RUNX3: variants seen among roughly 807,000 people sequenced by gnomAD.
RUNX3 encodes the protein RUNX family transcription factor 3, also known as runt-related transcription factor 3.
Under a neutral mutation model 27.7 loss-of-function variants are expected in RUNX3, and 10 were observed. The ratio of observed to expected loss-of-function variants is 0.36; its 90% CI spans 0.22 to 0.61. The LOEUF (loss-of-function observed/expected upper bound fraction) is 0.61. RUNX3 is among the 20% of genes least tolerant of loss of function. RUNX3 has a pLI of 0.72. For synonymous variants in RUNX3, 270 were observed against 269.2 expected, an observed-to-expected ratio of 1.00 and a Z score of -0.03; for missense variants, 469 against 629.5, an observed-to-expected ratio of 0.75 and a Z score of 2.73.
At chr1:24,938,340 C>T (rs573201174) in intron 2 of RUNX3, among the ~76,000 whole-genome samples, 6 of 152,290 alleles carry the variant, frequency 3.9e-5, no homozygotes, top group African/African-American at 1.2e-4. Flanking sequence ...TGTTCATTTC[C>T]GCATCTAATA....
intron 1 of RUNX3, 58 bp downstream of exon 1, chr1:24,929,529 A>T (rs963121579): frequency 6.7e-7 from 1 of 1,490,942 alleles, no homozygotes; most frequent in East Asian, 2.4e-5. Flanking sequence ...TGGCTCCCGC[A>T]GCTCAGACGC....
In RUNX3 at chr1:24,902,360, G is replaced by A; in HGVS notation, c.1010C>T (p.Ser337Phe). The A allele has an allele frequency of 1.2e-6, 2 of 1,612,260 alleles. No individual in the cohort carries two copies. The highest frequency in any genetic ancestry group is 8.5e-7 in the Non-Finnish European group (1 of 1,179,856). The stretch of plus-strand genomic sequence containing the variant: ...CATGGAGAACTGGTAGGAGCCAGAG[G>A]ATGTCCCGTAGTAGAGGTGGTAGGG... ...PSPYHLYYGT[S>F]SGSYQFSMVA... is the part of the protein sequence containing the mutation. Residue 337 changes from serine to phenylalanine, a missense_variant, in exon 5 of 5, where the codon TCC (serine) becomes TTC (phenylalanine). By Grantham distance (155) the Ser-to-Phe change is radical. This residue lies in a region of RUNX3 where 279 missense variants were observed against 343.0 expected (regional missense o/e 0.81). Coordinates refer to ENST00000308873, the MANE Select transcript of RUNX3 (RefSeq NM_004350.3). The surrounding 1 kb of genome is among the most constrained non-coding windows in gnomAD (Gnocchi z 9.2).
Position 24,916,595 on chromosome 1 carries a change from A to C in RUNX3, c.544+2645T>G, listed in dbSNP as rs1640893533. On this transcript the variant is annotated intron_variant, in intron 3 of 4. Transcript: ENST00000308873. The surrounding 1 kb of genome is among the most constrained non-coding windows in gnomAD (Gnocchi z 4.8). ...ACTCTTACAGATGGGGACGCTGAGG[A>C]CCCGAAAGGCCAAGGATTTGTCCAG... 6.6e-6 allele frequency among the ~76,000 whole-genome samples: 1 copy of C among 152,040 alleles called. No homozygotes were observed.
upstream of RUNX3, among the ~76,000 whole-genome samples, chr1:24,932,625 C>T (rs1255617520): frequency 6.6e-6 from 1 of 152,200 alleles, no homozygotes; most frequent in Non-Finnish European, 1.5e-5. Flanking sequence ...CGCCTTCTGT[C>T]TTCGCGTTTT....
intron 2 of RUNX3, among the ~76,000 whole-genome samples, chr1:24,942,783 A>G (rs935489701): frequency 3.9e-5 from 6 of 152,186 alleles, no homozygotes; most frequent in African/African-American, 1.4e-4. Context: ...AACTGAGGCT[A>G]GAGTGGGGAG....
At chr1:24,914,417 C>T (rs868487382) in intron 3 of RUNX3, among the ~76,000 whole-genome samples, 4 of 152,234 alleles carry the variant, frequency 2.6e-5, no homozygotes, top group Non-Finnish European at 5.9e-5. Flanking sequence ...GATTTACACC[C>T]GACTCTTAAC....
At chr1:24,913,653 C>A (rs1337141300) in intron 3 of RUNX3, among the ~76,000 whole-genome samples, 2 of 152,224 alleles carry the variant, frequency 1.3e-5, no homozygotes, top group African/African-American at 4.8e-5. Context: ...GAATGCTGGG[C>A]CCCAGCCAGT....
chr1:24,934,524 TA>T (rs1365516379), upstream of RUNX3, among the ~76,000 whole-genome samples: 2 of 151,946 alleles, frequency 1.3e-5, no homozygotes, highest in Non-Finnish European at 2.9e-5. Context: ...TCCCCGAGGG[TA>T]AAATGGGAAG....
intron 2 of RUNX3, among the ~76,000 whole-genome samples, chr1:24,959,151 G>T (rs1363167918): frequency 6.6e-6 from 1 of 152,246 alleles, no homozygotes; most frequent in African/African-American, 2.4e-5. Context: ...AACCGAGGGA[G>T]CCTCCGCTTT....
intron 2 of RUNX3, among the ~76,000 whole-genome samples, chr1:24,935,624 C>T (rs1045765992): frequency 6.6e-6 from 1 of 152,228 alleles, no homozygotes; most frequent in Admixed American, 6.5e-5. Flanking sequence ...GATCCCATCA[C>T]TTGGTGGGGC....
chr1:24,941,898 C>G (rs1371110854), intron 2 of RUNX3, among the ~76,000 whole-genome samples: 4 of 152,216 alleles, frequency 2.6e-5, no homozygotes, highest in Non-Finnish European at 5.9e-5. Context: ...GGCTCAGACA[C>G]TGGGCACTCT....
In RUNX3 at chr1:24,904,508, C is replaced by T. The variant is rs961545276; in HGVS notation, c.704-1842G>A. Among the ~76,000 whole-genome samples, 2 of 152,170 alleles carry T rather than the reference C, an allele frequency of 1.3e-5. No individual in the cohort carries two copies. The highest frequency in any genetic ancestry group is 4.8e-5 in the African/African-American group (2 of 41,446). ...CTTGAGGCCGAGAGCCTCCGAGGCA[C>T]CTGGCTGCCAGTTTTCATCTGGGGA... is the stretch of plus-strand genomic sequence containing the variant. On this transcript the variant is annotated intron_variant, in intron 4 of 4. Coordinates refer to ENST00000308873, the MANE Select transcript of RUNX3 (RefSeq NM_004350.3). The surrounding 1 kb of genome is among the most constrained non-coding windows in gnomAD (Gnocchi z 5.7).
At chr1:24,914,745 C>T (rs1383644857) in intron 3 of RUNX3, among the ~76,000 whole-genome samples, 1 of 152,144 alleles carries the variant, frequency 6.6e-6, no homozygotes, top group Non-Finnish European at 1.5e-5. Context: ...GGAGCAGCTG[C>T]CTCTCCTCAG....
At chr1:24,941,629 T>C (rs1480097052) in intron 2 of RUNX3, among the ~76,000 whole-genome samples, 1 of 152,060 alleles carries the variant, frequency 6.6e-6, no homozygotes, top group East Asian at 1.9e-4. Context: ...AGCTCAGACT[T>C]CATGGAAACA....
At chr1:24,903,681 T>C (rs898182771) in intron 4 of RUNX3, among the ~76,000 whole-genome samples, 1 of 152,188 alleles carries the variant, frequency 6.6e-6, no homozygotes, top group Non-Finnish European at 1.5e-5. Context: ...CACAGCACAT[T>C]GGACCTGGCA....
intron 2 of RUNX3, among the ~76,000 whole-genome samples, chr1:24,953,375 AAAAAGAAAAGAAAAGAAAAGAAAAATG>A (rs1641821815): frequency 7.3e-6 from 1 of 136,998 alleles, no homozygotes; most frequent in Non-Finnish European, 1.5e-5. Flanking sequence ...AAAAAAAAAA[AAAAAGAAAAGAAAAGAAAAGAAAAATG>A]AAAAAAAAAA....
At chr1:24,929,314 C>A in intron 1 of RUNX3, 1 of 672,144 alleles carries the variant, frequency 1.5e-6, no homozygotes. Context: ...AAACCCCATC[C>A]GCCCATTTCC....
At chr1:24,956,863 G>A (rs1177906864) in intron 2 of RUNX3, among the ~76,000 whole-genome samples, 3 of 152,024 alleles carry the variant, frequency 2.0e-5, no homozygotes, top group African/African-American at 4.8e-5. Flanking sequence ...CAAGCGTTCC[G>A]TCCCCCAGAT....
intron 3 of RUNX3, among the ~76,000 whole-genome samples, chr1:24,911,597 A>C (rs887654015): frequency 1.1e-4 from 16 of 152,198 alleles, no homozygotes; most frequent in African/African-American, 3.9e-4. Flanking sequence ...CTCATGCCCA[A>C]AGGAAGCAGA....
Sources: allele counts gnomAD v4.1 joint callset (sites outside exome capture counted in the v4.1 genomes callset), GRCh38; gene constraint gnomAD v4.1.1; regional missense constraint gnomAD v4.1.1; non-coding constraint Gnocchi (gnomAD v3.1); transcripts MANE v1.5; gene names NCBI Gene and HGNC (gene_info 2026-07-23, HGNC 2026-07-21).